The following SORCS3 variants were observed in gnomAD, a reference collection of about 807,000 sequenced individuals.
The protein encoded by SORCS3 is sortilin related VPS10 domain containing receptor 3.
A neutral mutation model predicts 146.3 loss-of-function variants in SORCS3; 57 were observed. The ratio of observed to expected loss-of-function variants is 0.39; its 90% CI spans 0.31 to 0.49. The LOEUF (loss-of-function observed/expected upper bound fraction) is 0.49, where lower values mean the gene tolerates loss of function less well. Among genes scored for constraint, SORCS3 ranks in the 20% least tolerant of loss-of-function variants. The probability of loss-of-function intolerance (pLI) is 0.92; values close to 1 mark genes in which losing one functional copy is unlikely to be tolerated. For missense variants in SORCS3, 1,341 were observed against 1,575.5 expected (o/e 0.85, Z 2.52); for synonymous variants, 653 against 618.5 (o/e 1.06, Z -0.83).
chr10:105,112,028 TAATTA>T (rs1215511987), intron 7 of SORCS3, among the ~76,000 whole-genome samples: 5 of 152,216 alleles, frequency 3.3e-5, no homozygotes, highest in Admixed American at 6.5e-5. Context: ...CTGTTTTCTT[TAATTA>T]AATCTAGATA....
chr10:104,846,336 G>C (rs1485959716), intron 2 of SORCS3, among the ~76,000 whole-genome samples: 1 of 152,166 alleles, frequency 6.6e-6, no homozygotes, highest in African/African-American at 2.4e-5. Context: ...TTTATAGTTA[G>C]AGCCTAGAGC....
At chr10:105,061,668 AAGTT>A (rs1236409448) in intron 5 of SORCS3, among the ~76,000 whole-genome samples, 2 of 148,092 alleles carry the variant, frequency 1.4e-5, no homozygotes, top group South Asian at 2.1e-4. Flanking sequence ...AAAAAAAAAA[AAGTT>A]GTGTTCAGGA....
chr10:104,970,536 G>A (rs560879638), intron 3 of SORCS3, among the ~76,000 whole-genome samples: 46 of 152,092 alleles, frequency 3.0e-4, no homozygotes, highest in African/African-American at 8.0e-4. Context: ...GCTTTGACCC[G>A]TTTCCCCTAC....
At chr10:104,724,698 C>T (rs1388898603) in intron 1 of SORCS3, among the ~76,000 whole-genome samples, 1 of 152,144 alleles carries the variant, frequency 6.6e-6, no homozygotes, top group Admixed American at 6.5e-5. Context: ...TTTCTCTAAA[C>T]TTCTCTTCTT....
chr10:105,257,039 A>G, intron 25 of SORCS3, 115 bp downstream of exon 25: 1 of 778,158 alleles, frequency 1.3e-6, no homozygotes, highest in Non-Finnish European at 2.2e-6. Context: ...TTCTCCTTGA[A>G]CTTCTGTTTG....
At chr10:105,217,202 G>T in intron 19 of SORCS3, 80 bp downstream of exon 19, 2 of 1,446,502 alleles carry the variant, frequency 1.4e-6, no homozygotes. Flanking sequence ...AAAATTCAGA[G>T]CTGAGCCCAG....
intron 4 of SORCS3, among the ~76,000 whole-genome samples, chr10:105,008,319 G>A (rs73335959): frequency 0.046 from 7,010 of 152,240 alleles, 182 homozygotes; most frequent in Middle Eastern, 0.079. Flanking sequence ...TTGGATGAAG[G>A]TGTGCATTTC....
chr10:104,744,554 T>A (rs2016885846), intron 1 of SORCS3, among the ~76,000 whole-genome samples: 1 of 152,192 alleles, frequency 6.6e-6, no homozygotes, highest in Non-Finnish European at 1.5e-5. Flanking sequence ...GATCTAAAGG[T>A]TATAGACATT....
chr10:104,953,395 A>G (rs1250098087), intron 3 of SORCS3, among the ~76,000 whole-genome samples: 1 of 152,216 alleles, frequency 6.6e-6, no homozygotes, highest in Admixed American at 6.5e-5. Context: ...GGTATTCTAA[A>G]ACGGTGATGC....
At chr10:105,190,099 T>A (rs897488756) in intron 14 of SORCS3, among the ~76,000 whole-genome samples, 4 of 152,188 alleles carry the variant, frequency 2.6e-5, no homozygotes, top group Admixed American at 6.5e-5. Flanking sequence ...TGCCCATACC[T>A]CAGTGCCAAA....
intron 1 of SORCS3, among the ~76,000 whole-genome samples, chr10:104,698,870 G>A (rs1055484122): frequency 6.6e-6 from 1 of 152,150 alleles, no homozygotes; most frequent in Non-Finnish European, 1.5e-5. Context: ...GTCACTGTGG[G>A]ATGGAGGAGT....
chr10:104,661,844 A>G (rs1004691268), intron 1 of SORCS3, among the ~76,000 whole-genome samples: 1 of 152,198 alleles, frequency 6.6e-6, no homozygotes, highest in Non-Finnish European at 1.5e-5. Context: ...GGGAACTTAA[A>G]ATCTAAGAGA....
At chr10:104,971,312 G>T (rs1178892211) in intron 3 of SORCS3, among the ~76,000 whole-genome samples, 1 of 152,218 alleles carries the variant, frequency 6.6e-6, no homozygotes, top group Admixed American at 6.5e-5. Flanking sequence ...CCAGGAGAGA[G>T]ATTTGCATGT....
intron 1 of SORCS3, among the ~76,000 whole-genome samples, chr10:104,701,446 G>A (rs1307546874): frequency 6.6e-6 from 1 of 152,158 alleles, no homozygotes; most frequent in Non-Finnish European, 1.5e-5. Context: ...ATTCTAGTAT[G>A]TTATTTCCTT....
At chr10:105,079,455 A>G (rs2055609102) in intron 5 of SORCS3, among the ~76,000 whole-genome samples, 1 of 152,192 alleles carries the variant, frequency 6.6e-6, no homozygotes, top group Non-Finnish European at 1.5e-5. Context: ...GACATAAAGG[A>G]GGAGAAAGTT....
intron 14 of SORCS3, among the ~76,000 whole-genome samples, chr10:105,191,122 C>A (rs377619794): frequency 2.0e-5 from 3 of 152,254 alleles, no homozygotes; most frequent in East Asian, 1.9e-4. Flanking sequence ...ACCTGTGATG[C>A]ATAAGGCACA....
chr10:105,016,992 G>A lies in SORCS3; in HGVS notation c.955-26063G>A, dbSNP rs1589595776. 2.0e-5 allele frequency among the ~76,000 whole-genome samples: 3 copies of A among 152,166 alleles called. No homozygotes were observed. In the East Asian group the frequency reaches 5.8e-4, roughly 29 times the overall value. ...AATCAAGAGAGCAGTGTACTCATTTGGAGGACAGCATTTTTAACAATGACT... is the reference window on the plus strand; with the variant it reads ...AATCAAGAGAGCAGTGTACTCATTTAGAGGACAGCATTTTTAACAATGACT... On this transcript the variant is annotated intron_variant, in intron 4 of 26. Coordinates refer to ENST00000369701, the MANE Select transcript of SORCS3 (RefSeq NM_014978.3).
intron 13 of SORCS3, 84 bp from the exon 14 acceptor site, chr10:105,177,982 A>G: frequency 9.9e-7 from 1 of 1,009,928 alleles, no homozygotes; most frequent in Non-Finnish European, 1.5e-6. Flanking sequence ...GATACAGAGG[A>G]AAATTTAATA....
At chr10:105,245,719 T>C in intron 21 of SORCS3, 54 bp downstream of exon 21, 2 of 1,587,332 alleles carry the variant, frequency 1.3e-6, no homozygotes, top group Middle Eastern at 1.7e-4. Flanking sequence ...TAATCTCCTG[T>C]GTCCACTCTC....
Sources: allele counts gnomAD v4.1 joint callset (sites outside exome capture counted in the v4.1 genomes callset), GRCh38; gene constraint gnomAD v4.1.1; transcripts MANE v1.5; gene names NCBI Gene and HGNC (gene_info 2026-07-23, HGNC 2026-07-21).